The following LDLRAD4 variants were observed in gnomAD, a reference collection of about 807,000 sequenced individuals.
The protein encoded by LDLRAD4 is low-density lipoprotein receptor class A domain-containing protein 4.
Under a neutral mutation model 17.0 loss-of-function variants are expected in LDLRAD4, and 5 were observed. The observed-to-expected ratio is 0.29, with a 90% confidence interval of 0.15 to 0.62. The LOEUF is 0.62. Among genes scored for constraint, LDLRAD4 ranks in the 20% least tolerant of loss-of-function variants. The pLI, the probability that LDLRAD4 is intolerant of heterozygous loss-of-function variation, is 0.84. For missense variants in LDLRAD4, 340 were observed against 424.7 expected, an observed-to-expected ratio of 0.80 and a Z score of 1.75; for synonymous variants, 168 against 171.8, an observed-to-expected ratio of 0.98 and a Z score of 0.17.
intron 3 of LDLRAD4, among the ~76,000 whole-genome samples, chr18:13,476,843 T>C (rs1414320142): frequency 6.6e-6 from 1 of 152,152 alleles, no homozygotes; most frequent in Non-Finnish European, 1.5e-5. Flanking sequence ...TGCCCCTAGA[T>C]GTGGTCTCCA....
chr18:13,358,800 C>A (rs1209508243), intron 1 of LDLRAD4, among the ~76,000 whole-genome samples: 1 of 152,076 alleles, frequency 6.6e-6, no homozygotes, highest in Non-Finnish European at 1.5e-5. Flanking sequence ...AATAATTCAT[C>A]CATATTATTA....
intron 1 of LDLRAD4, among the ~76,000 whole-genome samples, chr18:13,290,041 G>C (rs1433042183): frequency 2.6e-5 from 4 of 152,220 alleles, no homozygotes; most frequent in African/African-American, 9.6e-5. Context: ...CTCAGTAACT[G>C]TGTGGGGCTG....
At chr18:13,511,524 T>C (rs2093778744) in intron 3 of LDLRAD4, among the ~76,000 whole-genome samples, 1 of 152,080 alleles carries the variant, frequency 6.6e-6, no homozygotes, top group Non-Finnish European at 1.5e-5. Flanking sequence ...AATAAATAAA[T>C]AGTCACACAG....
At chr18:13,618,994 C>T (rs2040334950) in intron 3 of LDLRAD4, among the ~76,000 whole-genome samples, 2 of 152,250 alleles carry the variant, frequency 1.3e-5, no homozygotes, top group Admixed American at 1.3e-4. Context: ...CACTCTGCAG[C>T]CAGTGCAGCC....
intron 2 of LDLRAD4, among the ~76,000 whole-genome samples, chr18:13,409,980 C>G (rs1238821198): frequency 6.6e-6 from 1 of 152,310 alleles, no homozygotes; most frequent in Admixed American, 6.5e-5. Flanking sequence ...CATACCCACA[C>G]GTGGTACCCC....
intron 3 of LDLRAD4, among the ~76,000 whole-genome samples, chr18:13,465,420 C>A (rs2092582596): frequency 6.6e-6 from 1 of 152,142 alleles, no homozygotes; most frequent in South Asian, 2.1e-4. Context: ...AGGAAATTAA[C>A]CTGTAGGAGT....
intron 2 of LDLRAD4, among the ~76,000 whole-genome samples, chr18:13,399,207 GAAAA>G (rs541171135): frequency 6.6e-6 from 1 of 150,564 alleles, no homozygotes; most frequent in South Asian, 2.1e-4. Context: ...AAAAAAAAGA[GAAAA>G]AAAAGAAAAA....
intron 1 of LDLRAD4, among the ~76,000 whole-genome samples, chr18:13,281,723 G>A (rs1395586468): frequency 6.6e-6 from 1 of 152,140 alleles, no homozygotes; most frequent in Non-Finnish European, 1.5e-5. Context: ...GAGTTTCTGA[G>A]TTCTTCAGCC....
At chr18:13,643,496 G>T (rs2042802145) in intron 5 of LDLRAD4, 84 bp downstream of exon 6, 1 of 709,260 alleles carries the variant, frequency 1.4e-6, no homozygotes, top group South Asian at 4.4e-5. Context: ...CACGTGGGGT[G>T]GAAGGGGAGG....
intron 2 of LDLRAD4, among the ~76,000 whole-genome samples, chr18:13,430,929 G>A (rs2090294444): frequency 6.6e-6 from 1 of 152,158 alleles, no homozygotes; most frequent in Admixed American, 6.5e-5. Context: ...TTTCTCGAAA[G>A]GAAAGGAAAT....
intron 1 of LDLRAD4, chr18:13,236,528 C>G (rs1020593508): frequency 3.3e-5 from 5 of 152,212 alleles, no homozygotes; most frequent in African/African-American, 9.7e-5. Context: ...AGGCTAGTCT[C>G]AAACTCAGGT....
At chr18:13,243,714 C>T (rs2042791966) in intron 1 of LDLRAD4, among the ~76,000 whole-genome samples, 1 of 151,766 alleles carries the variant, frequency 6.6e-6, no homozygotes, top group Non-Finnish European at 1.5e-5. Flanking sequence ...ACCCATCCAC[C>T]CATCCACCCA....
intron 3 of LDLRAD4, chr18:13,489,594 C>T (rs563465811): frequency 3.3e-5 from 5 of 152,350 alleles, no homozygotes; most frequent in African/African-American, 1.2e-4. Context: ...TGGGTCCGGT[C>T]AGTCTTAGCC....
intron 1 of LDLRAD4, among the ~76,000 whole-genome samples, chr18:13,222,653 C>G (rs2041526343): frequency 6.6e-6 from 1 of 152,210 alleles, no homozygotes; most frequent in Non-Finnish European, 1.5e-5. Context: ...TTCTGTGCCT[C>G]GGTTCGGAAA....
intron 3 of LDLRAD4, among the ~76,000 whole-genome samples, chr18:13,617,159 A>G (rs537273001): frequency 2.0e-5 from 3 of 151,304 alleles, no homozygotes; most frequent in Non-Finnish European, 4.4e-5. Flanking sequence ...GCTGATCTTG[A>G]ACTCCTGGTC....
At chr18:13,548,004 G>T (rs978218296) in intron 3 of LDLRAD4, among the ~76,000 whole-genome samples, 4 of 152,208 alleles carry the variant, frequency 2.6e-5, no homozygotes. Flanking sequence ...GCAAGTCAAA[G>T]AGGTGCTTTA....
chr18:13,632,671 G>A (rs1334883712), intron 4 of LDLRAD4, among the ~76,000 whole-genome samples: 2 of 152,214 alleles, frequency 1.3e-5, no homozygotes, highest in African/African-American at 4.8e-5. Flanking sequence ...GGTGAGTGGA[G>A]GGGCATGTTT....
intron 2 of LDLRAD4, among the ~76,000 whole-genome samples, chr18:13,422,578 G>A (rs1446783084): frequency 2.0e-5 from 3 of 151,356 alleles, no homozygotes; most frequent in Non-Finnish European, 4.4e-5. Context: ...TGTGCCTGTA[G>A]TCCCAGCTAC....
intron 1 of LDLRAD4, among the ~76,000 whole-genome samples, chr18:13,266,876 A>G (rs1026821953): frequency 6.6e-6 from 1 of 152,266 alleles, no homozygotes; most frequent in Non-Finnish European, 1.5e-5. Context: ...AATTCTGAGT[A>G]AGAGTAATAC....
Sources: gnomAD v4.1 joint callset for allele counts (sites outside exome capture counted in the v4.1 genomes callset) on GRCh38, gnomAD v4.1.1 for gene constraint, MANE v1.5 for transcripts, NCBI Gene and HGNC (gene_info 2026-07-23, HGNC 2026-07-21) for gene names.